CPNE9: variants seen among roughly 807,000 people sequenced by gnomAD.
CPNE9 encodes copine family member 9, also known as copine-9.
Under a neutral mutation model 83.0 loss-of-function variants are expected in CPNE9, and 59 were observed. The ratio of observed to expected loss-of-function variants is 0.71; its 90% confidence interval spans 0.58 to 0.88. CPNE9 has a LOEUF of 0.88. Among genes scored for constraint, CPNE9 ranks in the 40% least tolerant of loss-of-function variants. The probability of loss-of-function intolerance (pLI) is 0.00; values close to 1 mark genes in which losing one functional copy is unlikely to be tolerated. For synonymous variants in CPNE9, 256 were observed against 273.4 expected, an observed-to-expected ratio of 0.94 and a Z score of 0.63; for missense variants, 619 against 720.8, an observed-to-expected ratio of 0.86 and a Z score of 1.62.
At chr3:9,725,850 T>C in intron 17 of CPNE9, 99 bp from the exon 18 acceptor site, 1 of 897,072 alleles carries the variant, frequency 1.1e-6, no homozygotes, top group Non-Finnish European at 1.9e-6. Context: ...CCCCAGTTCC[T>C]GCCCACTGCC....
intron 20 of CPNE9, 97 bp downstream of exon 20, chr3:9,727,283 C>T: frequency 1.6e-6 from 2 of 1,262,064 alleles, no homozygotes; most frequent in Non-Finnish European, 2.3e-6. Context: ...CAGTCTCCTA[C>T]TTTTTTCCCC....
intron 7 of CPNE9, among the ~76,000 whole-genome samples, chr3:9,706,276 TCTC>T (rs1559635012): frequency 6.9e-6 from 1 of 144,642 alleles, no homozygotes; most frequent in African/African-American, 2.7e-5. Context: ...TTTTTTTTTT[TCTC>T]TCTCTCTCTC....
chr3:9,723,755 G>A (rs192871106), intron 17 of CPNE9, among the ~76,000 whole-genome samples: 6 of 152,082 alleles, frequency 3.9e-5, no homozygotes, highest in East Asian at 3.9e-4. Context: ...TGTTGCCCAC[G>A]CTGTTCTCAA....
rs778873960 is a variant in CPNE9, at chr3:9,718,201, G to C, written c.1104G>C (p.Gln368His). 4 of 1,611,018 alleles carry C rather than the reference G, an allele frequency of 2.5e-6. No homozygotes were observed. The highest frequency in any genetic ancestry group is 3.4e-6 in the Non-Finnish European group (4 of 1,178,278). ...KLPPEGRISH[Q>H]FPLNNNDEDP... is the part of the protein sequence containing the mutation. ...CCCCAGAGGGACGGATCTCCCACCA[G>C]TTCCCCCTGGTATGGTATTGGCCAG... is the stretch of plus-strand genomic sequence containing the variant. The change falls in exon 16 of 21, where the codon CAG (glutamine) becomes CAC (histidine). Residue 368 changes from glutamine (Q) to histidine (H), a missense_variant. Physicochemically the swap from Gln to His is conservative, Grantham distance 24 (BLOSUM62 0). Transcript: ENST00000383832.
At chr3:9,726,127 G>T (rs2076782836) in intron 18 of CPNE9, 76 bp downstream of exon 18, 2 of 911,106 alleles carry the variant, frequency 2.2e-6, no homozygotes, top group Non-Finnish European at 1.6e-6. Context: ...TATCCTACTT[G>T]CAAGCTAACA....
At chr3:9,711,743 T>C (rs181378475) in intron 7 of CPNE9, among the ~76,000 whole-genome samples, 2 of 152,148 alleles carry the variant, frequency 1.3e-5, no homozygotes, top group African/African-American at 4.8e-5. Flanking sequence ...ATCAACAAGG[T>C]CTCTTACTGC....
At chr3:9,707,302 G>A (rs1018249579) in intron 7 of CPNE9, among the ~76,000 whole-genome samples, 4 of 137,572 alleles carry the variant, frequency 2.9e-5, no homozygotes, top group Admixed American at 1.6e-4. Flanking sequence ...GCAGTGAGCT[G>A]AGATTGTGCC....
Position 9,718,548 on chromosome 3 carries a change from C to T in CPNE9, c.1187C>T (p.Thr396Ile), listed in dbSNP as rs1288128815. Residue 396 changes from threonine (T) to isoleucine (I), a missense_variant, in exon 17 of 21, where the codon ACA (threonine) becomes ATA (isoleucine). Physicochemically the swap from Thr to Ile is moderately conservative, Grantham distance 89. Coordinates refer to ENST00000383832, the MANE Select transcript of CPNE9 (RefSeq NM_153635.3). Reference sequence around the variant, plus strand: ...GAGAGCTATTTCCAGAGCCTGCGCACAGTGCAGCTCTATGGGCCCACCTAC... The same window carrying T: ...GAGAGCTATTTCCAGAGCCTGCGCATAGTGCAGCTCTATGGGCCCACCTAC... ...VLESYFQSLR[T>I]VQLYGPTYFA... is the part of the protein sequence containing the mutation. The T allele has an allele frequency of 1.2e-6, 2 of 1,613,450 alleles. No individual in the cohort carries two copies. Among genetic ancestry groups the T allele is most frequent in the Non-Finnish European group, 1.7e-6 (2 of 1,179,814 alleles).
intron 17 of CPNE9, among the ~76,000 whole-genome samples, chr3:9,725,420 A>T (rs539135646): frequency 6.6e-6 from 1 of 152,074 alleles, no homozygotes; most frequent in Non-Finnish European, 1.5e-5. Context: ...CCGTAGTCCC[A>T]GCTACTCAGG....
chr3:9,726,043 A>G lies in CPNE9; in HGVS notation c.1336A>G (p.Ile446Val), dbSNP rs1575134778. 1 of 1,600,350 alleles carries G rather than the reference A, an allele frequency of 6.2e-7. No individual in the cohort carries two copies. The change falls in exon 18 of 21, where the codon ATC becomes GTC. Residue 446 changes from isoleucine to valine, a missense_variant. Physicochemically the swap from Ile to Val is conservative, Grantham distance 29. This residue lies in a region of CPNE9 where 438 missense variants were observed against 562.9 expected (regional missense o/e 0.78). Coordinates refer to ENST00000383832, the MANE Select transcript of CPNE9 (RefSeq NM_153635.3). ...ISDMTQTKEA[I>V]VSASSLPMSI... The stretch of plus-strand genomic sequence containing the variant: ...TGACATGACGCAGACCAAGGAGGCC[A>G]TCGTCAGCGTGAGTCTGAGGAGGAG...
At chr3:9,707,963 G>A (rs554020321) in intron 7 of CPNE9, among the ~76,000 whole-genome samples, 14 of 152,254 alleles carry the variant, frequency 9.2e-5, no homozygotes, top group African/African-American at 2.9e-4. Flanking sequence ...TTTCAAGACA[G>A]GCTCTCACTC....
chr3:9,713,183 C>A (rs2076647113), intron 10 of CPNE9, 104 bp downstream of exon 10: 2 of 870,022 alleles, frequency 2.3e-6, no homozygotes, highest in Admixed American at 4.5e-5. Context: ...TTGGAGGGTC[C>A]TGCTCAGTGA....
At chr3:9,714,781 G>A in intron 10 of CPNE9, 133 bp from the exon 11 acceptor site, 1 of 728,292 alleles carries the variant, frequency 1.4e-6, no homozygotes, top group South Asian at 1.8e-5. Flanking sequence ...ATGGGAGGCA[G>A]GTTGAAAGAT....
chr3:9,715,578 C>G (rs1218297351), intron 13 of CPNE9, 52 bp downstream of exon 13: 1 of 1,454,874 alleles, frequency 6.9e-7, no homozygotes, highest in Non-Finnish European at 9.7e-7. Context: ...GTGTCTGTCC[C>G]CATTGACACA....
intron 8 of CPNE9, 31 bp from the exon 9 acceptor site, chr3:9,712,694 G>A: frequency 1.2e-6 from 2 of 1,607,894 alleles, no homozygotes; most frequent in Non-Finnish European, 8.5e-7. Flanking sequence ...GACAATTGGG[G>A]TGCCACCAGC....
chr3:9,724,530 C>T (rs1440113835), intron 17 of CPNE9, among the ~76,000 whole-genome samples: 3 of 152,208 alleles, frequency 2.0e-5, no homozygotes, highest in East Asian at 1.9e-4. Flanking sequence ...TCTTCAGCCA[C>T]GTGGCCCACT....
At chr3:9,707,352 CAAAAAAAAAAAAA>C (rs779965477) in intron 7 of CPNE9, among the ~76,000 whole-genome samples, 4 of 50,976 alleles carry the variant, frequency 7.8e-5, no homozygotes, top group Non-Finnish European at 1.4e-4. Context: ...GATTCTGTCT[CAAAAAAAAAAAAA>C]AAAAAAAAAA....
At position 9,715,364 on chromosome 3, in the gene CPNE9, G is replaced by A. The variant is rs1274192723; in HGVS notation, c.768G>A (p.Glu256=). 3 of 1,614,214 alleles carry A rather than the reference G, an allele frequency of 1.9e-6. No individual in the cohort carries two copies. The highest frequency in any genetic ancestry group is 1.1e-5 in the South Asian group (1 of 91,082). The change falls in exon 12 of 21, where the codon GAG becomes GAA. Residue 256 remains glutamate (E), a splice_region_variant and synonymous_variant. Transcript: ENST00000383832. Reference sequence around the variant, plus strand: ...CCCAGAACCAGTTCACAGTATATGAGGTGAGCATTCCAGCCCTGCCCAGGT... The same window carrying A: ...CCCAGAACCAGTTCACAGTATATGAAGTGAGCATTCCAGCCCTGCCCAGGT... ...SKAQNQFTVY[E]VLNPRKKCKK...
chr3:9,706,381 G>A (rs749668584), intron 7 of CPNE9, among the ~76,000 whole-genome samples: 5 of 151,292 alleles, frequency 3.3e-5, no homozygotes, highest in Admixed American at 6.6e-5. Flanking sequence ...AAGCTCCCCC[G>A]GACTAAGTCA....
Sources: gnomAD v4.1 joint callset for allele counts (sites outside exome capture counted in the v4.1 genomes callset) on GRCh38, gnomAD v4.1.1 for gene constraint, gnomAD v4.1.1 regional missense constraint, MANE v1.5 for transcripts, NCBI Gene and HGNC (gene_info 2026-07-23, HGNC 2026-07-21) for gene names.